The following ATXN10 variants were observed in gnomAD, a reference collection of about 807,000 sequenced individuals.
ATXN10 encodes ataxin-10.
ATXN10 carries 28 observed loss-of-function variants against 52.9 expected under a neutral mutation model. That is an observed-to-expected ratio of 0.53 (90% CI 0.39 to 0.73). The LOEUF is 0.73. ATXN10 is among the 30% of genes least tolerant of loss of function. The pLI is 0.00. For missense variants in ATXN10, 565 were observed against 577.0 expected, an observed-to-expected ratio of 0.98 and a Z score of 0.21; for synonymous variants, 226 against 221.5, an observed-to-expected ratio of 1.02 and a Z score of -0.18.
chr22:45,695,688 G>A (rs550079175), intron 3 of ATXN10, among the ~76,000 whole-genome samples: 3 of 151,840 alleles, frequency 2.0e-5, no homozygotes, highest in Non-Finnish European at 4.4e-5. Flanking sequence ...TTAGAGATGG[G>A]GTTTCACCTT....
In ATXN10 at chr22:45,795,549, T is replaced by A. The variant is rs1927704858; in HGVS notation, c.1174-11410T>A. Reference sequence around the variant, plus strand: ...CCTCAGCCTCCCAAGTAGCTGAGATTACAGGTTCACCACCACACCCAGCTA... The same window carrying A: ...CCTCAGCCTCCCAAGTAGCTGAGATAACAGGTTCACCACCACACCCAGCTA... On this transcript the variant is annotated intron_variant, in intron 9 of 11. Transcript: ENST00000252934. The surrounding 1 kb of genome is among the most constrained non-coding windows in gnomAD (Gnocchi z 4.6). Among the ~76,000 whole-genome samples, 2 of 152,116 alleles carry A rather than the reference T, an allele frequency of 1.3e-5. No individual in the cohort carries two copies. Among genetic ancestry groups the A allele is most frequent in the African/African-American group, 4.8e-5 (2 of 41,418 alleles).
intron 3 of ATXN10, among the ~76,000 whole-genome samples, chr22:45,699,828 GT>G (rs1447765086): frequency 3.5e-4 from 51 of 147,218 alleles, no homozygotes; most frequent in Non-Finnish European, 2.2e-4. Context: ...AGAGTATATT[GT>G]TTTGGTAAGG....
rs946539815 is a variant in ATXN10, at chr22:45,683,595, G to T, written c.117-6117G>T. Among the ~76,000 whole-genome samples, 1 of 152,074 alleles carries T rather than the reference G, an allele frequency of 6.6e-6. No individual in the cohort carries two copies. The highest frequency in any genetic ancestry group is 2.4e-5 in the African/African-American group (1 of 41,392). ...GCTTAAATACTACTTTTAAAATAAG[G>T]TTTAAATAATATCTTATGTACAAAA... On this transcript the variant is annotated intron_variant, in intron 1 of 11. Coordinates refer to ENST00000252934, the MANE Select transcript of ATXN10 (RefSeq NM_013236.4). The surrounding 1 kb of genome is among the most constrained non-coding windows in gnomAD (Gnocchi z 4.8).
rs1037710331 is a variant in ATXN10 at position 45,789,858 on chromosome 22, A to G, written c.1174-17101A>G. On this transcript the variant is annotated intron_variant, in intron 9 of 11. Transcript: ENST00000252934. This position sits in a 1 kb window ranked among gnomAD's most constrained non-coding sequence, Gnocchi z 4.0. ...ACCGCTGGTGAGGAGTGGATATTTT[A>G]CCCCCAGAAGACTCTTAAGTGGGTC... Among the ~76,000 whole-genome samples the G allele has an allele frequency of 6.6e-6, 1 of 151,978 alleles. No homozygotes were observed. The highest frequency in any genetic ancestry group is 1.5e-5 in the Non-Finnish European group (1 of 67,996).
rs912518814 is a variant in ATXN10, at chr22:45,790,791, C to T, written c.1174-16168C>T. On this transcript the variant is annotated intron_variant, in intron 9 of 11. Coordinates refer to ENST00000252934, the MANE Select transcript of ATXN10 (RefSeq NM_013236.4). This position sits in a 1 kb window ranked among gnomAD's most constrained non-coding sequence, Gnocchi z 4.7. Reference sequence around the variant, plus strand: ...GTTAGAACACAGTGCGTTTTCATTCCTCTTTATATCTTTTTATCCTGACCT... The same window carrying T: ...GTTAGAACACAGTGCGTTTTCATTCTTCTTTATATCTTTTTATCCTGACCT... 1.1e-4 allele frequency among the ~76,000 whole-genome samples: 16 copies of T among 152,134 alleles called. No individual in the cohort carries two copies. Among genetic ancestry groups the T allele is most frequent in the Non-Finnish European group, 2.2e-4 (15 of 68,016 alleles).
rs1259124512 is a variant in ATXN10 at position 45,697,490 on chromosome 22, TCCCTGTAG to T, written c.392-2788_392-2781del. Among the ~76,000 whole-genome samples the T allele has an allele frequency of 2.0e-5, 3 of 152,054 alleles. No homozygotes were observed. In the East Asian group the frequency reaches 5.8e-4, roughly 29 times the overall value. On this transcript the variant is annotated intron_variant, in intron 3 of 11. Coordinates refer to ENST00000252934, the MANE Select transcript of ATXN10 (RefSeq NM_013236.4). ...ATTGAGCAGCTGCTCTCTTTCCGCC[TCCCTGTAG>T]CCCCTGGCAACCACTACTTAGCATT...
At position 45,824,109 on chromosome 22, in the gene ATXN10, C is replaced by T. The variant is rs1436582540; in HGVS notation, c.1237+17087C>T. ...GACTTACCTTCCTACCTTCCTTTGC[C>T]TTCCCCACGCTCTTACCTGCTGAGT... On this transcript the variant is annotated intron_variant, in intron 10 of 11. Coordinates refer to ENST00000252934, the MANE Select transcript of ATXN10 (RefSeq NM_013236.4). This position sits in a 1 kb window ranked among gnomAD's most constrained non-coding sequence, Gnocchi z 5.2. Among the ~76,000 whole-genome samples, 1 of 152,150 alleles carries T rather than the reference C, an allele frequency of 6.6e-6. No individual in the cohort carries two copies. The highest frequency in any genetic ancestry group is 1.5e-5 in the Non-Finnish European group (1 of 68,026).
chr22:45,828,281 C>T lies in ATXN10; in HGVS notation c.1238-14710C>T, dbSNP rs184229486. Among the ~76,000 whole-genome samples the T allele has an allele frequency of 6.0e-5, 9 of 151,106 alleles. No homozygotes were observed. The East Asian group carries it at 1.7e-3, about 29-fold the overall frequency. ...ACATAACAGAACTTATGGGACACAG[C>T]AAAAATAATGCTAAGGGGGAAATTT... On this transcript the variant is annotated intron_variant, in intron 10 of 11. Coordinates refer to ENST00000252934, the MANE Select transcript of ATXN10 (RefSeq NM_013236.4). The surrounding 1 kb of genome is among the most constrained non-coding windows in gnomAD (Gnocchi z 4.5).
intron 10 of ATXN10, among the ~76,000 whole-genome samples, chr22:45,808,275 G>A (rs944777699): frequency 1.3e-5 from 2 of 152,124 alleles, no homozygotes; most frequent in Non-Finnish European, 2.9e-5. Flanking sequence ...AGAATGTTCA[G>A]GTACAATTGC....
At chr22:45,740,228 G>T in intron 8 of ATXN10, 141 bp from the exon 9 acceptor site, 1 of 789,622 alleles carries the variant, frequency 1.3e-6, no homozygotes, top group Non-Finnish European at 2.0e-6. Flanking sequence ...GAAGAGCCTT[G>T]TAATCATTAT....
chr22:45,755,680 C>A (rs1481839351), intron 9 of ATXN10, among the ~76,000 whole-genome samples: 1 of 152,112 alleles, frequency 6.6e-6, no homozygotes, highest in African/African-American at 2.4e-5. Context: ...AAATTTTGAA[C>A]CTTATTCAAG....
chr22:45,740,733 C>T (rs1362288733), intron 9 of ATXN10, 195 bp downstream of exon 9: 3 of 397,868 alleles, frequency 7.5e-6, no homozygotes, highest in African/African-American at 4.8e-5. Context: ...TATATACACA[C>T]ACACACGTGT....
At chr22:45,751,763 A>AAAAAAAAATAATAATAATAATAAT in intron 9 of ATXN10, among the ~76,000 whole-genome samples, 2 of 66,630 alleles carry the variant, frequency 3.0e-5, no homozygotes, top group South Asian at 3.8e-4. Context: ...AATAAAAAAA[A>AAAAAAAAATAATAATAATAATAAT]AATAATAATA....
intron 6 of ATXN10, among the ~76,000 whole-genome samples, chr22:45,723,206 A>ATATATAGATAGGTATATCTATATTT: frequency 6.6e-6 from 1 of 152,084 alleles, no homozygotes; most frequent in East Asian, 1.9e-4. Flanking sequence ...TGATAGAGAT[A>ATATATAGATAGGTATATCTATATTT]TATATAGATA....
At chr22:45,716,747 G>T (rs1353951996) in intron 5 of ATXN10, among the ~76,000 whole-genome samples, 1 of 151,992 alleles carries the variant, frequency 6.6e-6, no homozygotes, top group African/African-American at 2.4e-5. Context: ...AAGAAAGAAA[G>T]AAATAAAAGA....
At position 45,759,910 on chromosome 22, in the gene ATXN10, A is replaced by T. The variant is rs561429132; in HGVS notation, c.1173+19372A>T. On this transcript the variant is annotated intron_variant, in intron 9 of 11. Transcript: ENST00000252934. The surrounding 1 kb of genome is among the most constrained non-coding windows in gnomAD (Gnocchi z 5.4). Reference sequence around the variant, plus strand: ...ACCTGTGTAATTATCACCCCAGTCAAGGTACAGAGAGCACCTCTATCCCCT... The same window carrying T: ...ACCTGTGTAATTATCACCCCAGTCATGGTACAGAGAGCACCTCTATCCCCT... 5.9e-5 allele frequency among the ~76,000 whole-genome samples: 9 copies of T among 152,356 alleles called. No homozygotes were observed. The highest frequency in any genetic ancestry group is 5.9e-4 in the Admixed American group (9 of 15,306).
chr22:45,742,897 T>C (rs753319169), intron 9 of ATXN10, among the ~76,000 whole-genome samples: 26 of 152,234 alleles, frequency 1.7e-4, no homozygotes, highest in Non-Finnish European at 2.8e-4. Flanking sequence ...TAAAGCACTT[T>C]ACCTTTTTAA....
rs995364071 is a variant in ATXN10 at position 45,728,545 on chromosome 22, C to G, written c.729-880C>G. Among the ~76,000 whole-genome samples, 1 of 152,068 alleles carries G rather than the reference C, an allele frequency of 6.6e-6. No homozygotes were observed. The highest frequency in any genetic ancestry group is 1.5e-5 in the Non-Finnish European group (1 of 67,998). On this transcript the variant is annotated intron_variant, in intron 6 of 11. Transcript: ENST00000252934. The surrounding 1 kb of genome is among the most constrained non-coding windows in gnomAD (Gnocchi z 4.3). ...ATTTTTTTCTTGGTAAGAAATGTTCCATGCCTAATTTGAGTGTATTTACCC... is the reference window on the plus strand; with the variant it reads ...ATTTTTTTCTTGGTAAGAAATGTTCGATGCCTAATTTGAGTGTATTTACCC...
chr22:45,819,044 G>A lies in ATXN10; in HGVS notation c.1237+12022G>A, dbSNP rs948068708. 6.6e-6 allele frequency among the ~76,000 whole-genome samples: 1 copy of A among 152,114 alleles called. No homozygotes were observed. The highest frequency in any genetic ancestry group is 2.4e-5 in the African/African-American group (1 of 41,410). ...TAATCGTCACTATTCTAGACCAGTTGTAAGCTTACTAGCTTAAGAAAGTAT... is the reference window on the plus strand; with the variant it reads ...TAATCGTCACTATTCTAGACCAGTTATAAGCTTACTAGCTTAAGAAAGTAT... On this transcript the variant is annotated intron_variant, in intron 10 of 11. Transcript: ENST00000252934. The surrounding 1 kb of genome is among the most constrained non-coding windows in gnomAD (Gnocchi z 4.5).
Sources: allele counts gnomAD v4.1 joint callset (sites outside exome capture counted in the v4.1 genomes callset), GRCh38; gene constraint gnomAD v4.1.1; non-coding constraint Gnocchi (gnomAD v3.1); transcripts MANE v1.5; gene names NCBI Gene and HGNC (gene_info 2026-07-23, HGNC 2026-07-21).